The following THEMIS variants were observed in gnomAD, a reference collection of about 807,000 sequenced individuals.
The protein encoded by THEMIS is protein THEMIS.
Under a neutral mutation model 52.6 loss-of-function variants are expected in THEMIS, and 37 were observed. That is an observed-to-expected ratio of 0.70 (90% CI 0.54 to 0.93). THEMIS has a LOEUF of 0.93. THEMIS is among the 40% of genes least tolerant of loss of function. The pLI is 0.00. For missense variants in THEMIS, 808 were observed against 763.1 expected, an observed-to-expected ratio of 1.06 and a Z score of -0.69; for synonymous variants, 292 against 272.7, an observed-to-expected ratio of 1.07 and a Z score of -0.70.
intron 4 of THEMIS, among the ~76,000 whole-genome samples, chr6:127,721,161 T>C (rs1774350918): frequency 6.6e-6 from 1 of 151,998 alleles, no homozygotes; most frequent in Non-Finnish European, 1.5e-5. Flanking sequence ...GTCACCCCAG[T>C]TGTCCAAGCT....
At chr6:127,859,796 C>T (rs1418950114) in intron 1 of THEMIS, among the ~76,000 whole-genome samples, 1 of 152,096 alleles carries the variant, frequency 6.6e-6, no homozygotes, top group Non-Finnish European at 1.5e-5. Flanking sequence ...ATGTGACCAT[C>T]TGAGATATAT....
At chr6:127,767,099 G>GT (rs199730234) in intron 4 of THEMIS, among the ~76,000 whole-genome samples, 13,762 of 147,722 alleles carry the variant, frequency 0.093, 673 homozygotes, top group African/African-American at 0.13. Context: ...CTTTTTTTTT[G>GT]TTTTTTTTTG....
At chr6:127,865,077 A>G (rs1779931382) in intron 1 of THEMIS, among the ~76,000 whole-genome samples, 1 of 152,116 alleles carries the variant, frequency 6.6e-6, no homozygotes, top group African/African-American at 2.4e-5. Flanking sequence ...CTGGGATTTT[A>G]CTGGAGGTTG....
chr6:127,755,728 G>T (rs1045311949), intron 4 of THEMIS, among the ~76,000 whole-genome samples: 3 of 151,962 alleles, frequency 2.0e-5, no homozygotes, highest in African/African-American at 7.3e-5. Flanking sequence ...TATCATCATG[G>T]TCTTTAAAAA....
intron 1 of THEMIS, among the ~76,000 whole-genome samples, chr6:127,883,975 G>A (rs1554245309): frequency 6.6e-6 from 1 of 151,982 alleles, no homozygotes; most frequent in African/African-American, 2.4e-5. Context: ...AAAGAACATG[G>A]CACACTGCCC....
intron 1 of THEMIS, among the ~76,000 whole-genome samples, chr6:127,867,755 A>G (rs540023567): frequency 2.6e-4 from 40 of 152,274 alleles, no homozygotes; most frequent in African/African-American, 8.9e-4. Context: ...TGTATATTTC[A>G]TTATTTAAAT....
downstream of THEMIS, among the ~76,000 whole-genome samples, chr6:127,707,699 C>A (rs780126350): frequency 2.6e-5 from 4 of 152,106 alleles, no homozygotes; most frequent in Admixed American, 6.6e-5. Context: ...CTCTCCCCAG[C>A]GTTTTACATG....
intron 1 of THEMIS, among the ~76,000 whole-genome samples, chr6:127,911,757 C>A (rs566212417): frequency 6.6e-6 from 1 of 151,434 alleles, no homozygotes; most frequent in Non-Finnish European, 1.5e-5. Flanking sequence ...GATGTCCAGG[C>A]AGAAGTTTAC....
upstream of THEMIS, among the ~76,000 whole-genome samples, chr6:127,901,924 C>T (rs1428276378): frequency 2.0e-5 from 3 of 152,146 alleles, no homozygotes; most frequent in African/African-American, 7.2e-5. Flanking sequence ...ACATTGATCT[C>T]TTCAAAATCC....
intron 3 of THEMIS, among the ~76,000 whole-genome samples, chr6:127,821,363 G>C (rs1778335464): frequency 6.6e-6 from 1 of 152,026 alleles, no homozygotes; most frequent in Non-Finnish European, 1.5e-5. Context: ...GCATGAGACT[G>C]AGAAACATTC....
chr6:127,782,709 C>T (rs373636909), intron 4 of THEMIS, among the ~76,000 whole-genome samples: 20 of 152,194 alleles, frequency 1.3e-4, no homozygotes, highest in South Asian at 6.2e-4. Context: ...GCGTAGATCT[C>T]GCTGGGAGCT....
Position 127,742,341 on chromosome 6 carries a change from CAAACAAAA to C in THEMIS, c.1759-22526_1759-22519del, listed in dbSNP as rs1281958474. Among the ~76,000 whole-genome samples the C allele has an allele frequency of 7.0e-3, 967 of 138,352 alleles. 14 individuals are homozygous for C. Among genetic ancestry groups the C allele is most frequent in the African/African-American group, 0.024 (915 of 37,800 alleles). The allele number at this position is 138,352 out of a possible 152,430, so 90.8% of individuals were successfully genotyped here. ...AAAAAAAAAAAAACAAACAAAAAAA[CAAACAAAA>C]AAACAAAAAAACAAAACAAAACAAA... On this transcript the variant is annotated intron_variant, in intron 4 of 5. Transcript: ENST00000368248.
At chr6:127,827,633 G>C (rs931027399) in intron 3 of THEMIS, among the ~76,000 whole-genome samples, 1 of 152,114 alleles carries the variant, frequency 6.6e-6, no homozygotes, top group Admixed American at 6.6e-5. Flanking sequence ...CTTCCATCCA[G>C]TAGATCAAGC....
intron 4 of THEMIS, among the ~76,000 whole-genome samples, chr6:127,761,008 C>A (rs558970795): frequency 6.6e-6 from 1 of 152,086 alleles, no homozygotes; most frequent in Non-Finnish European, 1.5e-5. Flanking sequence ...AATAATAAGA[C>A]AACCTATAGA....
the THEMIS span, among the ~76,000 whole-genome samples, chr6:127,702,627 T>C: frequency 6.6e-6 from 1 of 152,082 alleles, no homozygotes; most frequent in African/African-American, 2.4e-5. Flanking sequence ...TTTTTTTTTT[T>C]TTTAGCTATC....
chr6:127,801,711 T>A (rs1014760604), intron 4 of THEMIS, among the ~76,000 whole-genome samples: 1 of 152,148 alleles, frequency 6.6e-6, no homozygotes, highest in Non-Finnish European at 1.5e-5. Flanking sequence ...GCAACGGTGA[T>A]GGCCTCCCCT....
At chr6:127,715,579 G>A (rs954309288) in intron 5 of THEMIS, among the ~76,000 whole-genome samples, 6 of 151,786 alleles carry the variant, frequency 4.0e-5, no homozygotes, top group African/African-American at 9.7e-5. Context: ...TATTTTCCAC[G>A]ATACAAATAG....
chr6:127,768,746 A>G (rs995999440), intron 4 of THEMIS, among the ~76,000 whole-genome samples: 1 of 152,216 alleles, frequency 6.6e-6, no homozygotes, highest in Non-Finnish European at 1.5e-5. Context: ...TTGTAAACAA[A>G]AGTTCCCAAG....
rs1006003348 is a variant in THEMIS, at chr6:127,740,962, A to G, written c.1759-21139T>C. Among the ~76,000 whole-genome samples, 8 of 152,298 alleles carry G rather than the reference A, an allele frequency of 5.3e-5. No individual in the cohort carries two copies. In the East Asian group the frequency reaches 1.5e-3, roughly 29 times the overall value. Reference sequence around the variant, plus strand: ...TATTTCCACTTCTCTCTTACCCTCCATCATACACAGAGAAACATTTGCACA... The same window carrying G: ...TATTTCCACTTCTCTCTTACCCTCCGTCATACACAGAGAAACATTTGCACA... On this transcript the variant is annotated intron_variant, in intron 4 of 5. Transcript: ENST00000368248.
Sources: allele counts gnomAD v4.1 joint callset (sites outside exome capture counted in the v4.1 genomes callset), GRCh38; gene constraint gnomAD v4.1.1; transcripts MANE v1.5; gene names NCBI Gene and HGNC (gene_info 2026-07-23, HGNC 2026-07-21).